SYNDIG1: variants seen among roughly 807,000 people sequenced by gnomAD.
The protein encoded by SYNDIG1 is synapse differentiation-inducing gene protein 1.
A neutral mutation model predicts 19.4 loss-of-function variants in SYNDIG1; 9 were observed. The observed-to-expected ratio is 0.46, with a 90% CI of 0.28 to 0.81. The LOEUF (loss-of-function observed/expected upper bound fraction) is 0.81, where lower values mean the gene tolerates loss of function less well. SYNDIG1 is among the 30% of genes least tolerant of loss of function. SYNDIG1 has a pLI of 0.12. For synonymous variants in SYNDIG1, 141 were observed against 145.9 expected, an observed-to-expected ratio of 0.97 and a Z score of 0.24; for missense variants, 311 against 343.3, an observed-to-expected ratio of 0.91 and a Z score of 0.74.
At chr20:24,499,879 C>T (rs1485738014) in intron 1 of SYNDIG1, among the ~76,000 whole-genome samples, 1 of 152,126 alleles carries the variant, frequency 6.6e-6, no homozygotes, top group Non-Finnish European at 1.5e-5. Flanking sequence ...TGATTATCAG[C>T]CAAGGGAGTG....
At chr20:24,543,706 C>A (rs1474764266) in intron 2 of SYNDIG1, 129 bp downstream of exon 2, 7 of 1,297,754 alleles carry the variant, frequency 5.4e-6, no homozygotes, top group Non-Finnish European at 7.4e-6. Flanking sequence ...AAACCAAAGG[C>A]AGTCTTGGTG....
intron 2 of SYNDIG1, among the ~76,000 whole-genome samples, chr20:24,546,548 C>T (rs911231513): frequency 7.9e-5 from 12 of 152,198 alleles, no homozygotes; most frequent in African/African-American, 2.7e-4. Context: ...CCAGCTGTCA[C>T]CCATCCTGTC....
intron 3 of SYNDIG1, among the ~76,000 whole-genome samples, chr20:24,593,959 A>T (rs1439536399): frequency 6.6e-6 from 1 of 152,156 alleles, no homozygotes; most frequent in Non-Finnish European, 1.5e-5. Flanking sequence ...TAGTTTGCAA[A>T]TATTTTCTCC....
chr20:24,501,092 CCTAT>C (rs1022653863), intron 1 of SYNDIG1, among the ~76,000 whole-genome samples: 4 of 152,154 alleles, frequency 2.6e-5, no homozygotes, highest in African/African-American at 4.8e-5. Flanking sequence ...AAGAAATCTA[CCTAT>C]CTATCTACTT....
intron 1 of SYNDIG1, among the ~76,000 whole-genome samples, chr20:24,531,356 G>C (rs1213029656): frequency 6.6e-6 from 1 of 152,132 alleles, no homozygotes; most frequent in Non-Finnish European, 1.5e-5. Flanking sequence ...GTCATTCTGT[G>C]AAAGGAGTAG....
intron 2 of SYNDIG1, among the ~76,000 whole-genome samples, chr20:24,553,141 A>G (rs1225067734): frequency 6.6e-6 from 1 of 151,496 alleles, no homozygotes; most frequent in Non-Finnish European, 1.5e-5. Context: ...TCCTTCGCCC[A>G]CTTTTTGATG....
intron 3 of SYNDIG1, among the ~76,000 whole-genome samples, chr20:24,626,473 C>T (rs1305093307): frequency 4.0e-5 from 6 of 149,452 alleles, no homozygotes; most frequent in African/African-American, 7.4e-5. Context: ...ACATCTCAGA[C>T]GATGGGCGGC....
intron 3 of SYNDIG1, among the ~76,000 whole-genome samples, chr20:24,649,608 C>G (rs1008489991): frequency 6.6e-6 from 1 of 152,156 alleles, no homozygotes; most frequent in Non-Finnish European, 1.5e-5. Flanking sequence ...TTCTAGTCCT[C>G]TCTCATGGAA....
At chr20:24,534,340 C>T (rs1207494650) in intron 1 of SYNDIG1, among the ~76,000 whole-genome samples, 6 of 152,196 alleles carry the variant, frequency 3.9e-5, no homozygotes, top group Non-Finnish European at 7.4e-5. Context: ...CTCAGGGAAG[C>T]CCCAGGAGCC....
intron 1 of SYNDIG1, among the ~76,000 whole-genome samples, chr20:24,484,542 G>A (rs1046027755): frequency 6.6e-6 from 1 of 152,144 alleles, no homozygotes; most frequent in African/African-American, 2.4e-5. Flanking sequence ...AAGCCCACCT[G>A]GGTTCAAGGG....
At chr20:24,593,726 C>G (rs1474390574) in intron 3 of SYNDIG1, among the ~76,000 whole-genome samples, 2 of 152,020 alleles carry the variant, frequency 1.3e-5, no homozygotes, top group Non-Finnish European at 2.9e-5. Flanking sequence ...TTAATAATAG[C>G]CATTTTGACT....
At chr20:24,644,491 G>T (rs1334264135) in intron 3 of SYNDIG1, among the ~76,000 whole-genome samples, 1 of 152,222 alleles carries the variant, frequency 6.6e-6, no homozygotes, top group East Asian at 1.9e-4. Context: ...AGAGGGCTCT[G>T]TGTGACCTCA....
chr20:24,551,570 C>T (rs994404631), intron 2 of SYNDIG1, among the ~76,000 whole-genome samples: 9 of 150,770 alleles, frequency 6.0e-5, no homozygotes, highest in Admixed American at 4.0e-4. Flanking sequence ...TTTTTTTAGG[C>T]GTGAGCTGGG....
chr20:24,645,349 C>T (rs574884469), intron 3 of SYNDIG1, among the ~76,000 whole-genome samples: 7 of 152,208 alleles, frequency 4.6e-5, no homozygotes, highest in Admixed American at 2.6e-4. Flanking sequence ...GAACACAGCT[C>T]GTTTACCCAC....
Position 24,637,048 on chromosome 20 carries a change from G to A in SYNDIG1, c.619-28298G>A, listed in dbSNP as rs1388594575. ...ATTGCTTGACCTTTTCCCTGTGGGGGATCCTGCAAGGCAGTTCCCTGCAGC... is the reference window on the plus strand; with the variant it reads ...ATTGCTTGACCTTTTCCCTGTGGGGAATCCTGCAAGGCAGTTCCCTGCAGC... On this transcript the variant is annotated intron_variant, in intron 3 of 3. Transcript: ENST00000376862. 3.3e-5 allele frequency among the ~76,000 whole-genome samples: 5 copies of A among 152,366 alleles called. No individual in the cohort carries two copies. In the South Asian group the frequency reaches 8.3e-4, roughly 25 times the overall value.
At chr20:24,552,528 A>G (rs1467679441) in intron 2 of SYNDIG1, among the ~76,000 whole-genome samples, 1 of 150,350 alleles carries the variant, frequency 6.7e-6, no homozygotes, top group Non-Finnish European at 1.5e-5. Flanking sequence ...TCATTGTTCA[A>G]TTCCCACCTA....
intron 2 of SYNDIG1, 98 bp from the exon 3 acceptor site, chr20:24,584,758 C>G: frequency 1.3e-6 from 2 of 1,559,800 alleles, no homozygotes; most frequent in Non-Finnish European, 8.7e-7. Context: ...CGGGGAGGGC[C>G]TGCGCCAGCC....
chr20:24,577,143 C>T (rs983016776), intron 2 of SYNDIG1, among the ~76,000 whole-genome samples: 3 of 152,214 alleles, frequency 2.0e-5, no homozygotes, highest in African/African-American at 7.2e-5. Context: ...TAGGACTCTG[C>T]ACTCTGGAAC....
intron 3 of SYNDIG1, among the ~76,000 whole-genome samples, chr20:24,589,640 T>A (rs1170625102): frequency 2.0e-5 from 3 of 152,272 alleles, no homozygotes; most frequent in African/African-American, 7.2e-5. Context: ...AGGGTTCCTG[T>A]GTTGACTGTG....
Sources: allele counts gnomAD v4.1 joint callset (sites outside exome capture counted in the v4.1 genomes callset), GRCh38; gene constraint gnomAD v4.1.1; transcripts MANE v1.5; gene names NCBI Gene and HGNC (gene_info 2026-07-23, HGNC 2026-07-21).